The following KNL1 variants were observed in gnomAD, a reference collection of about 807,000 sequenced individuals.
The protein encoded by KNL1 is outer kinetochore KNL1 complex subunit KNL1.
Under a neutral mutation model 201.3 loss-of-function variants are expected in KNL1, and 66 were observed. The observed-to-expected ratio is 0.33, with a 90% confidence interval of 0.27 to 0.40. The LOEUF is 0.40. Among genes scored for constraint, KNL1 ranks in the 10% least tolerant of loss-of-function variants. The pLI is 1.00. For synonymous variants in KNL1, 895 were observed against 899.2 expected (o/e 1.00, Z 0.08); for missense variants, 2,815 against 2,690.5 (o/e 1.05, Z -1.02).
chr15:40,618,196 C>A (rs1892406179), intron 8 of KNL1, among the ~76,000 whole-genome samples: 1 of 151,794 alleles, frequency 6.6e-6, no homozygotes, highest in East Asian at 1.9e-4. Flanking sequence ...AGTCTTGAGT[C>A]TAATCCTTTA....
Position 40,625,354 on chromosome 15 carries a change from G to C in KNL1, c.5090G>C (p.Gly1697Ala). ...GTCTCTAGCAAAGATTCAGGCATTGGATCTGTTGCAGGTAAACTGAACCTA... is the reference window on the plus strand; with the variant it reads ...GTCTCTAGCAAAGATTCAGGCATTGCATCTGTTGCAGGTAAACTGAACCTA... Reference protein sequence around the residue: ...QPVSSKDSGIGSVAGKLNLSP... With the variant: ...QPVSSKDSGIASVAGKLNLSP... Residue 1697 changes from glycine to alanine, a missense_variant, in exon 10 of 26, where the codon GGA becomes GCA. This residue lies in a region of KNL1 where 2,464 missense variants were observed against 2,291.7 expected (regional missense o/e 1.08). Coordinates refer to ENST00000399668, the MANE Select transcript of KNL1 (RefSeq NM_144508.5). 6.2e-7 allele frequency: 1 copy of C among 1,613,996 alleles called. No individual in the cohort carries two copies. The highest frequency in any genetic ancestry group is 8.5e-7 in the Non-Finnish European group (1 of 1,179,968).
At chr15:40,605,998 T>C (rs898877119) in intron 3 of KNL1, among the ~76,000 whole-genome samples, 1 of 152,234 alleles carries the variant, frequency 6.6e-6, no homozygotes. Context: ...ATAGTGTCTT[T>C]TTCCTGAAAA....
At chr15:40,630,290 T>C (rs1047726652) in intron 13 of KNL1, among the ~76,000 whole-genome samples, 2 of 152,166 alleles carry the variant, frequency 1.3e-5, no homozygotes, top group African/African-American at 4.8e-5. Flanking sequence ...TTCCAAAAGT[T>C]AGTTATACTC....
chr15:40,634,565 G>A (rs1281694971), intron 13 of KNL1, among the ~76,000 whole-genome samples: 1 of 152,074 alleles, frequency 6.6e-6, no homozygotes, highest in Non-Finnish European at 1.5e-5. Context: ...TGGGAAGATG[G>A]GCACACAACT....
At chr15:40,639,873 G>A (rs568142945) in intron 13 of KNL1, among the ~76,000 whole-genome samples, 89 of 151,764 alleles carry the variant, frequency 5.9e-4, no homozygotes, top group Middle Eastern at 6.8e-3. Context: ...CCAGGAATTC[G>A]AAACTATCCG....
intron 15 of KNL1, 93 bp from the exon 16 acceptor site, chr15:40,645,563 C>A: frequency 1.7e-6 from 1 of 581,216 alleles, no homozygotes. Context: ...AAATATCCTG[C>A]CTTAGGATAG....
rs1252828786 is a variant in KNL1, at chr15:40,621,627, C to T, written c.1363C>T (p.His455Tyr). The T allele has an allele frequency of 5.0e-6, 8 of 1,612,054 alleles. No individual in the cohort carries two copies. The Admixed American group carries it at 5.0e-5, about 10-fold the overall frequency. Residue 455 changes from histidine (H) to tyrosine (Y), a missense_variant, in exon 10 of 26, where the codon CAT (histidine) becomes TAT (tyrosine). His to Tyr is a moderately conservative substitution (Grantham distance 83). Coordinates refer to ENST00000399668, the MANE Select transcript of KNL1 (RefSeq NM_144508.5). ...NMREEKNLLK[H>Y]DSNYAKMYCN... ...GAGAGAGGAGAAAAATTTGCTAAAG[C>T]ATGACAGTAATTATGCTAAAATGTA...
intron 19 of KNL1, 39 bp downstream of exon 19, chr15:40,650,622 A>T (rs758548757): frequency 1.3e-6 from 2 of 1,514,062 alleles, no homozygotes; most frequent in African/African-American, 1.4e-5. Flanking sequence ...TATAATGCTA[A>T]ATCACAGAAG....
intron 13 of KNL1, among the ~76,000 whole-genome samples, chr15:40,630,466 C>T (rs1236284117): frequency 1.3e-5 from 2 of 152,086 alleles, no homozygotes; most frequent in African/African-American, 4.8e-5. Flanking sequence ...CATCCCCAAC[C>T]CCTGGGGTTA....
intron 19 of KNL1, 130 bp downstream of exon 19, chr15:40,650,713 C>T (rs1433531836): frequency 2.7e-6 from 2 of 738,820 alleles, no homozygotes; most frequent in Non-Finnish European, 4.1e-6. Context: ...GGCTTCTCCA[C>T]TTTGAATGGA....
Position 40,622,585 on chromosome 15 carries a change from T to G in KNL1, c.2321T>G (p.Phe774Cys). ...LTKSHTVVIG[F>C]GPSELQELGK... The stretch of plus-strand genomic sequence containing the variant: ...AAGAGCCACACTGTCGTCATTGGAT[T>G]TGGTCCTTCTGAACTACAAGAACTT... The change falls in exon 10 of 26, where the codon TTT (phenylalanine) becomes TGT (cysteine). Residue 774 changes from phenylalanine to cysteine, a missense_variant. Physicochemically the swap from Phe to Cys is radical, Grantham distance 205 (BLOSUM62 -2). Transcript: ENST00000399668. 6.2e-7 allele frequency: 1 copy of G among 1,611,314 alleles called. No homozygotes were observed. The highest frequency in any genetic ancestry group is 2.2e-5 in the East Asian group (1 of 44,862).
intron 1 of KNL1, among the ~76,000 whole-genome samples, chr15:40,602,016 G>A (rs991635183): frequency 6.7e-6 from 1 of 148,392 alleles, no homozygotes; most frequent in East Asian, 2.0e-4. Flanking sequence ...TAATTTTTGT[G>A]GGTTTTTTTG....
chr15:40,614,191 G>A (rs2141710582), intron 7 of KNL1, among the ~76,000 whole-genome samples: 1 of 150,670 alleles, frequency 6.6e-6, no homozygotes, highest in East Asian at 2.0e-4. Context: ...TCCGCCTCAT[G>A]GGTTCAAGCA....
chr15:40,657,445 C>T lies in KNL1; in HGVS notation c.6685C>T (p.Leu2229=). The change falls in exon 24 of 26, where the codon CTA becomes TTA. Residue 2229 remains leucine, a synonymous_variant. Transcript: ENST00000399668. ...YLKRWGPNYN[L]MNIDINNNEL... Reference sequence around the variant, plus strand: ...AAAGAGATGGGGACCAAATTATAACCTAATGAACATAGATATTAATAATAA... The same window carrying T: ...AAAGAGATGGGGACCAAATTATAACTTAATGAACATAGATATTAATAATAA... 2.0e-6 allele frequency: 3 copies of T among 1,538,270 alleles called. No individual in the cohort carries two copies. The highest frequency in any genetic ancestry group is 1.8e-6 in the Non-Finnish European group (2 of 1,111,124).
chr15:40,610,124 G>A, intron 5 of KNL1, 121 bp from the exon 6 acceptor site: 1 of 600,318 alleles, frequency 1.7e-6, no homozygotes, highest in Non-Finnish European at 3.0e-6. Flanking sequence ...ATATGGCATA[G>A]CAAAGAGGAA....
chr15:40,663,418 T>C lies in KNL1; in HGVS notation c.*1230T>C, dbSNP rs1893969060. On this transcript the variant is annotated 3_prime_UTR_variant, in exon 26 of 26. Coordinates refer to ENST00000399668, the MANE Select transcript of KNL1 (RefSeq NM_144508.5). ...TTAATTCATTTTTGTCTAGTACATA[T>C]ATGTAAATATATTAATGTTGTTTTT... 1 of 182,172 alleles carries C rather than the reference T, an allele frequency of 5.5e-6. No homozygotes were observed. Among genetic ancestry groups the C allele is most frequent in the Non-Finnish European group, 1.2e-5 (1 of 85,442 alleles). 11.3% of individuals were successfully genotyped at this position (182,172 alleles called of 1,614,324 possible).
At chr15:40,644,011 CTG>C (rs1893312398) in intron 14 of KNL1, among the ~76,000 whole-genome samples, 1 of 152,126 alleles carries the variant, frequency 6.6e-6, no homozygotes, top group African/African-American at 2.4e-5. Flanking sequence ...GGACGAGAGA[CTG>C]AGAAAAGAAA....
At position 40,599,486 on chromosome 15, in the gene KNL1, C is replaced by T. The variant is rs571666166; in HGVS notation, c.-17-3429C>T. 4.0e-5 allele frequency among the ~76,000 whole-genome samples: 6 copies of T among 150,884 alleles called. No individual in the cohort carries two copies. In the South Asian group the frequency reaches 1.3e-3, roughly 32 times the overall value. On this transcript the variant is annotated intron_variant, in intron 1 of 25. Coordinates refer to ENST00000399668, the MANE Select transcript of KNL1 (RefSeq NM_144508.5). ...GCAGCCTCTGCCTCCCAGGGTCAAG[C>T]GATCCTCCCACCTCAGCCTCCAGAG...
chr15:40,654,940 G>C lies in KNL1; in HGVS notation c.6447G>C (p.Arg2149Ser). The part of the protein sequence containing the change: ...VGFPFLDKRY[R>S]KIVDVNFQSL... ...TCCCTTTCCTGGACAAGCGTTATAG[G>C]AAGATTGTTGATGTCAATTTTCAAT... Residue 2149 changes from arginine to serine, a missense_variant, in exon 22 of 26, where the codon AGG becomes AGC. By Grantham distance (110) the Arg-to-Ser change is moderately radical. Coordinates refer to ENST00000399668, the MANE Select transcript of KNL1 (RefSeq NM_144508.5). 6.2e-7 allele frequency: 1 copy of C among 1,613,086 alleles called. No individual in the cohort carries two copies. The highest frequency in any genetic ancestry group is 8.5e-7 in the Non-Finnish European group (1 of 1,179,604).
Sources: allele counts gnomAD v4.1 joint callset (sites outside exome capture counted in the v4.1 genomes callset), GRCh38; gene constraint gnomAD v4.1.1; regional missense constraint gnomAD v4.1.1; transcripts MANE v1.5; gene names NCBI Gene and HGNC (gene_info 2026-07-23, HGNC 2026-07-21).